The following LRP1B variants were observed in gnomAD, a reference collection of about 807,000 sequenced individuals.
LRP1B encodes LDL receptor related protein 1B, also known as low-density lipoprotein receptor-related protein 1B.
LRP1B carries 217 observed loss-of-function variants against 556.6 expected under a neutral mutation model. The observed-to-expected ratio is 0.39, with a 90% CI of 0.35 to 0.44. LRP1B has a LOEUF of 0.44. LRP1B is among the 20% of genes least tolerant of loss of function. The pLI, the probability that LRP1B is intolerant of heterozygous loss-of-function variation, is 1.00. For missense variants in LRP1B, 5,053 were observed against 5,620.8 expected (o/e 0.90, Z 3.23); for synonymous variants, 2,047 against 1,865.8 (o/e 1.10, Z -2.50).
intron 1 of LRP1B, among the ~76,000 whole-genome samples, chr2:142,071,111 G>C (rs970799700): frequency 2.6e-5 from 4 of 151,820 alleles, no homozygotes; most frequent in Non-Finnish European, 5.9e-5. Flanking sequence ...AGGGGAAATA[G>C]AGGATGGGAA....
chr2:141,861,246 C>A (rs1258826754), intron 1 of LRP1B, among the ~76,000 whole-genome samples: 1 of 152,118 alleles, frequency 6.6e-6, no homozygotes, highest in African/African-American at 2.4e-5. Flanking sequence ...TCCCCTCAAT[C>A]CTCTCTTCCT....
At chr2:140,915,809 A>T (rs1049376091) in intron 21 of LRP1B, among the ~76,000 whole-genome samples, 1 of 151,996 alleles carries the variant, frequency 6.6e-6, no homozygotes, top group African/African-American at 2.4e-5. Context: ...CTGTCAGCTC[A>T]CGAGGTCAGG....
chr2:141,772,725 G>A (rs1423799827), intron 2 of LRP1B, among the ~76,000 whole-genome samples: 2 of 152,210 alleles, frequency 1.3e-5, no homozygotes, highest in Non-Finnish European at 2.9e-5. Context: ...CTGGGGTTCA[G>A]AGCAGAGTGA....
rs5834879 is a variant in LRP1B, at chr2:141,927,903, C to CAAAA, written c.83-117506_83-117503dup. 3.3e-4 allele frequency among the ~76,000 whole-genome samples: 36 copies of CAAAA among 110,622 alleles called. 1 individual carries two copies. Among genetic ancestry groups the CAAAA allele is most frequent in the African/African-American group, 6.2e-4 (18 of 29,156 alleles). The allele number at this position is 110,622 out of a possible 152,430, so 72.6% of individuals were successfully genotyped here. A position where few individuals can be genotyped will look rare whatever the true frequency, so the allele number is the denominator to read the frequency against. On this transcript the variant is annotated intron_variant, in intron 1 of 90. Coordinates refer to ENST00000389484, the MANE Select transcript of LRP1B (RefSeq NM_018557.3). Reference sequence around the variant, plus strand: ...AAACTGAAACTCCAACTTGGCTTTACAAAAAAAAAAAAAAAAAGAAAGAAA... The same window carrying CAAAA: ...AAACTGAAACTCCAACTTGGCTTTACAAAAAAAAAAAAAAAAAAAAAGAAAGAAA...
chr2:140,800,845 T>C (rs1473226991), intron 32 of LRP1B, among the ~76,000 whole-genome samples: 2 of 152,216 alleles, frequency 1.3e-5, no homozygotes, highest in Non-Finnish European at 2.9e-5. Context: ...TGATTGGCTA[T>C]ATTTTATACA....
At chr2:140,686,165 A>G (rs577044125) in intron 41 of LRP1B, among the ~76,000 whole-genome samples, 18 of 152,260 alleles carry the variant, frequency 1.2e-4, no homozygotes, top group Non-Finnish European at 2.6e-4. Context: ...GGACTAGAGG[A>G]CAGGGTGGAT....
intron 41 of LRP1B, among the ~76,000 whole-genome samples, chr2:140,614,787 C>T (rs985606857): frequency 2.6e-5 from 4 of 152,008 alleles, no homozygotes; most frequent in African/African-American, 9.7e-5. Flanking sequence ...TGTTGACTTC[C>T]TAGGGATGTG....
chr2:141,459,708 GTTT>G (rs1234453809), intron 3 of LRP1B, among the ~76,000 whole-genome samples: 2 of 152,006 alleles, frequency 1.3e-5, no homozygotes, highest in Non-Finnish European at 2.9e-5. Flanking sequence ...GTTCCCTTCT[GTTT>G]TTTGCCACCA....
Position 141,055,101 on chromosome 2 carries a change from A to T in LRP1B, c.1552+15T>A, listed in dbSNP as rs1223122813. On this transcript the variant is annotated intron_variant, in intron 10 of 90. Coordinates refer to ENST00000389484, the MANE Select transcript of LRP1B (RefSeq NM_018557.3). ...AGGGGTAGCTGCTGGCAAATGTTTT[A>T]TTTTAACAACATACTTTTGCATGAC... 1 of 1,611,008 alleles carries T rather than the reference A, an allele frequency of 6.2e-7. No homozygotes were observed. Among genetic ancestry groups the T allele is most frequent in the Admixed American group, 1.7e-5 (1 of 59,602 alleles).
chr2:141,136,582 A>G (rs1019259169), intron 7 of LRP1B, among the ~76,000 whole-genome samples: 1 of 150,186 alleles, frequency 6.7e-6, no homozygotes, highest in Non-Finnish European at 1.5e-5. Context: ...AGTTTCTACT[A>G]TGTACCAGGC....
Position 140,627,554 on chromosome 2 carries a change from T to C in LRP1B, c.6800-25915A>G, listed in dbSNP as rs1219876983. 2.0e-5 allele frequency among the ~76,000 whole-genome samples: 3 copies of C among 152,168 alleles called. No individual in the cohort carries two copies. The East Asian group carries it at 5.8e-4, about 29-fold the overall frequency. ...ACTGCACTGTCAGCTTCCCTACTTT[T>C]GAGGTTTTTGGAGTCAGACTGGCTT... On this transcript the variant is annotated intron_variant, in intron 41 of 90. Transcript: ENST00000389484.
chr2:141,123,769 C>A (rs956105629), intron 7 of LRP1B, among the ~76,000 whole-genome samples: 1 of 152,072 alleles, frequency 6.6e-6, no homozygotes, highest in Admixed American at 6.6e-5. Flanking sequence ...CTTCTCTTTA[C>A]TCACGATTTC....
At chr2:141,182,414 T>A (rs1269831602) in intron 7 of LRP1B, among the ~76,000 whole-genome samples, 12 of 151,988 alleles carry the variant, frequency 7.9e-5, no homozygotes, top group Admixed American at 5.3e-4. Flanking sequence ...CCCTTGATAC[T>A]TTCCATCCTA....
intron 3 of LRP1B, among the ~76,000 whole-genome samples, chr2:141,464,462 G>T (rs1189162659): frequency 2.0e-5 from 3 of 150,428 alleles, no homozygotes; most frequent in Non-Finnish European, 4.4e-5. Flanking sequence ...CCCCAGGCTG[G>T]AGTGCAGTGG....
At chr2:142,119,368 C>T (rs1006155906) in intron 1 of LRP1B, among the ~76,000 whole-genome samples, 1 of 152,124 alleles carries the variant, frequency 6.6e-6, no homozygotes. Context: ...GGGTTGATTA[C>T]TCCAAGCTGC....
chr2:140,750,940 C>A (rs1346361916), intron 35 of LRP1B, among the ~76,000 whole-genome samples: 1 of 151,812 alleles, frequency 6.6e-6, no homozygotes, highest in African/African-American at 2.4e-5. Flanking sequence ...CATCTATGAC[C>A]TGAACATAAA....
Position 141,417,108 on chromosome 2 carries a change from C to T in LRP1B, c.343+63288G>A, listed in dbSNP as rs78941696. ...TTGTTTCCTATCTTTACTTTGAAGT[C>T]TTATTAAACGTAAGGAGAAATTCAC... is the stretch of plus-strand genomic sequence containing the variant. On this transcript the variant is annotated intron_variant, in intron 3 of 90. Coordinates refer to ENST00000389484, the MANE Select transcript of LRP1B (RefSeq NM_018557.3). Among the ~76,000 whole-genome samples the T allele has an allele frequency of 1.6e-3, 250 of 152,138 alleles. 1 individual carries two copies. The highest frequency in any genetic ancestry group is 5.8e-3 in the African/African-American group (241 of 41,500).
At chr2:140,958,172 T>C (rs765861249) in intron 18 of LRP1B, among the ~76,000 whole-genome samples, 4 of 151,498 alleles carry the variant, frequency 2.6e-5, no homozygotes, top group Non-Finnish European at 5.9e-5. Flanking sequence ...ATCTGGTGAC[T>C]AAAATTCAGC....
In LRP1B at chr2:140,337,664, C is replaced by A. The variant is rs529008074; in HGVS notation, c.11893-1826G>T. Among the ~76,000 whole-genome samples the A allele has an allele frequency of 2.4e-4, 37 of 151,890 alleles. 1 individual carries two copies. The South Asian group carries it at 7.7e-3, about 31-fold the overall frequency. The stretch of plus-strand genomic sequence containing the variant: ...AATTTTCTAACACTTATGACACAAA[C>A]CTTTATGACATAAAACTTATAATGC... On this transcript the variant is annotated intron_variant, in intron 77 of 90. Transcript: ENST00000389484.
Sources: allele counts gnomAD v4.1 joint callset (sites outside exome capture counted in the v4.1 genomes callset), GRCh38; gene constraint gnomAD v4.1.1; transcripts MANE v1.5; gene names NCBI Gene and HGNC (gene_info 2026-07-23, HGNC 2026-07-21).